The following CTNND1 variants were observed in gnomAD, a reference collection of about 807,000 sequenced individuals.
CTNND1 encodes the protein catenin delta 1.
Under a neutral mutation model 112.1 loss-of-function variants are expected in CTNND1, and 16 were observed. The ratio of observed to expected loss-of-function variants is 0.14; its 90% CI spans 0.10 to 0.22. The LOEUF is 0.22. Among genes scored for constraint, CTNND1 ranks in the 10% least tolerant of loss-of-function variants. CTNND1 has a pLI of 1.00. For synonymous variants in CTNND1, 420 were observed against 446.5 expected (o/e 0.94, Z 0.75); for missense variants, 1,008 against 1,257.0 (o/e 0.80, Z 3.00).
At chr11:57,774,515 C>G (rs1953650885) in intron 1 of CTNND1, among the ~76,000 whole-genome samples, 3 of 152,232 alleles carry the variant, frequency 2.0e-5, no homozygotes, top group Middle Eastern at 3.4e-3. Flanking sequence ...TATTTAGATT[C>G]ATGCTTTCAA....
chr11:57,816,270 T>G, intron 20 of CTNND1, 27 bp from the exon 21 acceptor site: 1 of 1,613,578 alleles, frequency 6.2e-7, no homozygotes, highest in East Asian at 2.2e-5. Context: ...CCCATTAACA[T>G]TCTCTCTTTC....
Position 57,791,380 on chromosome 11 carries a change from G to T in CTNND1, c.-94-5G>T, listed in dbSNP as rs565538012. ...TCTCTCCTTTCTCTTACCCTTTCCC[G>T]GTAGTGTGAAGTGAGGGGGTCTCTC... On this transcript the variant is annotated splice_region_variant and splice_polypyrimidine_tract_variant and intron_variant, in intron 2 of 20. Coordinates refer to ENST00000399050, the MANE Select transcript of CTNND1 (RefSeq NM_001085458.2). 3.7e-6 allele frequency: 5 copies of T among 1,359,838 alleles called. No individual in the cohort carries two copies. The highest frequency in any genetic ancestry group is 1.8e-5 in the South Asian group (1 of 55,322). 84.2% of individuals were successfully genotyped at this position (1,359,838 alleles called of 1,614,324 possible). A position where few individuals can be genotyped will look rare whatever the true frequency, so the allele number is the denominator to read the frequency against.
chr11:57,806,913 A>C lies in CTNND1; in HGVS notation c.1895-2A>C. Reference sequence around the variant, plus strand: ...TTTTCCCGCCCTTTTTCATTTTTGTAGGGAAAAAACCTATAGAGGATCCAG... The same window carrying C: ...TTTTCCCGCCCTTTTTCATTTTTGTCGGGAAAAAACCTATAGAGGATCCAG... On this transcript the variant is annotated splice_acceptor_variant, in intron 11 of 20. Coordinates refer to ENST00000399050, the MANE Select transcript of CTNND1 (RefSeq NM_001085458.2). LOFTEE classifies it high-confidence loss of function. 1 of 1,592,854 alleles carries C rather than the reference A, an allele frequency of 6.3e-7. No individual in the cohort carries two copies. Among genetic ancestry groups the C allele is most frequent in the Non-Finnish European group, 8.6e-7 (1 of 1,169,190 alleles).
intron 3 of CTNND1, 56 bp from the exon 4 acceptor site, chr11:57,793,954 T>C (rs1175905951): frequency 6.4e-7 from 1 of 1,567,962 alleles, no homozygotes; most frequent in Non-Finnish European, 8.8e-7. Flanking sequence ...CGTTTGTATT[T>C]GATAGAGCAA....
chr11:57,781,041 C>T (rs1271936425), intron 1 of CTNND1, among the ~76,000 whole-genome samples: 1 of 152,118 alleles, frequency 6.6e-6, no homozygotes, highest in African/African-American at 2.4e-5. Flanking sequence ...TGGGTTCAAG[C>T]GATTCTCCTG....
At chr11:57,801,086 T>C (rs533454781) in intron 6 of CTNND1, among the ~76,000 whole-genome samples, 7 of 152,382 alleles carry the variant, frequency 4.6e-5, no homozygotes, top group Middle Eastern at 3.4e-3. Flanking sequence ...TTGGAATGAC[T>C]GTGAAAATTA....
At chr11:57,770,348 A>T (rs2136031009) in intron 1 of CTNND1, among the ~76,000 whole-genome samples, 1 of 151,656 alleles carries the variant, frequency 6.6e-6, no homozygotes, top group Non-Finnish European at 1.5e-5. Flanking sequence ...AAAATAAAAA[A>T]AAAAAAGAAA....
intron 16 of CTNND1, among the ~76,000 whole-genome samples, chr11:57,810,449 C>T (rs549172248): frequency 1.2e-4 from 18 of 151,968 alleles, no homozygotes; most frequent in Non-Finnish European, 2.1e-4. Flanking sequence ...GTGCCTCAGC[C>T]TCCCCAGTAG....
rs1195666915 is a variant in CTNND1 at position 57,796,770 on chromosome 11, T to G, written c.734T>G (p.Met245Arg). 6.2e-7 allele frequency: 1 copy of G among 1,610,770 alleles called. No homozygotes were observed. Among genetic ancestry groups the G allele is most frequent in the South Asian group, 1.1e-5 (1 of 90,892 alleles). ...TRIEERYRPS[M>R]EGYRAPSRQD... ...ATTGAGGAGCGGTATAGGCCCAGCA[T>G]GGAAGGCTACCGGGCACCTAGTAGA... The change falls in exon 6 of 21, where the codon ATG becomes AGG. Residue 245 changes from methionine to arginine, a missense_variant. By Grantham distance (91) the Met-to-Arg change is moderately conservative. Coordinates refer to ENST00000399050, the MANE Select transcript of CTNND1 (RefSeq NM_001085458.2).
At chr11:57,810,974 A>C (rs2063284313) in intron 16 of CTNND1, among the ~76,000 whole-genome samples, 1 of 152,180 alleles carries the variant, frequency 6.6e-6, no homozygotes, top group Admixed American at 6.5e-5. Flanking sequence ...AAAGAAAAAA[A>C]AAAAGATTTG....
chr11:57,799,109 G>C (rs1360300796), intron 6 of CTNND1, among the ~76,000 whole-genome samples: 2 of 152,196 alleles, frequency 1.3e-5, no homozygotes, highest in African/African-American at 4.8e-5. Context: ...GGGCCCAGGG[G>C]TAGAGGCCCC....
intron 9 of CTNND1, 77 bp from the exon 10 acceptor site, chr11:57,805,805 G>T: frequency 6.7e-7 from 1 of 1,496,350 alleles, no homozygotes; most frequent in South Asian, 1.2e-5. Flanking sequence ...TTTAATACCT[G>T]AGTCATGGAA....
At position 57,803,607 on chromosome 11, in the gene CTNND1, A is replaced by G. The variant is rs199894449; in HGVS notation, c.1421-14A>G. ...TGAATGCTCAAGAGCCATCTGATGAATTGTCTCTTCCAGGAACCCTGTGGA... is the reference window on the plus strand; with the variant it reads ...TGAATGCTCAAGAGCCATCTGATGAGTTGTCTCTTCCAGGAACCCTGTGGA... On this transcript the variant is annotated splice_polypyrimidine_tract_variant and intron_variant, in intron 7 of 20. Transcript: ENST00000399050. The G allele has an allele frequency of 2.5e-6, 4 of 1,598,522 alleles. No homozygotes were observed. Among genetic ancestry groups the G allele is most frequent in the Middle Eastern group, 1.7e-4 (1 of 6,002 alleles).
intron 16 of CTNND1, among the ~76,000 whole-genome samples, chr11:57,810,565 G>A (rs2063216221): frequency 6.6e-6 from 1 of 151,738 alleles, no homozygotes; most frequent in South Asian, 2.1e-4. Context: ...CTGAGCTTAG[G>A]CAACCTGCCT....
chr11:57,776,326 G>A (rs1351120595), intron 1 of CTNND1, among the ~76,000 whole-genome samples: 1 of 152,148 alleles, frequency 6.6e-6, no homozygotes, highest in Non-Finnish European at 1.5e-5. Context: ...TGGGGGTGGG[G>A]GTTGGTGGCA....
chr11:57,772,079 A>C lies in CTNND1; in HGVS notation c.-214+9960A>C, dbSNP rs796586080. Among the ~76,000 whole-genome samples, 10 of 146,422 alleles carry C rather than the reference A, an allele frequency of 6.8e-5. No individual in the cohort carries two copies. The South Asian group carries it at 2.0e-3, about 29-fold the overall frequency. ...TGGGACTATAGGCATGCACTACTAC[A>C]CCCAGCTAATTTTTGTATTTTTTTT... On this transcript the variant is annotated intron_variant, in intron 1 of 20. Transcript: ENST00000399050.
At chr11:57,777,016 C>G (rs1253433047) in intron 1 of CTNND1, among the ~76,000 whole-genome samples, 1 of 152,100 alleles carries the variant, frequency 6.6e-6, no homozygotes, top group African/African-American at 2.4e-5. Context: ...CTGGGCTATG[C>G]ATAAGGAAGA....
chr11:57,800,511 G>A (rs1042787651), intron 6 of CTNND1, among the ~76,000 whole-genome samples: 6 of 151,986 alleles, frequency 3.9e-5, no homozygotes, highest in Admixed American at 3.9e-4. Context: ...CAGGTAATCC[G>A]CCCACTGCAG....
chr11:57,795,827 T>C, intron 5 of CTNND1, 98 bp downstream of exon 5: 3 of 1,235,844 alleles, frequency 2.4e-6, no homozygotes, highest in South Asian at 3.2e-5. Flanking sequence ...AGGACTGATA[T>C]GCCATTATTG....
Sources: allele counts gnomAD v4.1 joint callset (sites outside exome capture counted in the v4.1 genomes callset), GRCh38; gene constraint gnomAD v4.1.1; transcripts MANE v1.5; gene names NCBI Gene and HGNC (gene_info 2026-07-23, HGNC 2026-07-21).